The following CACNA1S variants were observed in gnomAD, a reference collection of about 807,000 sequenced individuals.
CACNA1S encodes the protein calcium voltage-gated channel subunit alpha1 S.
Under a neutral mutation model 207.4 loss-of-function variants are expected in CACNA1S, and 126 were observed. The observed-to-expected ratio is 0.61, with a 90% CI of 0.53 to 0.70. CACNA1S has a LOEUF of 0.70. Ranked by LOEUF, CACNA1S falls within the 30% of genes least tolerant of loss-of-function variation. CACNA1S has a pLI of 0.00. For missense variants in CACNA1S, 2,349 were observed against 2,422.8 expected (o/e 0.97, Z 0.64); for synonymous variants, 960 against 932.7 (o/e 1.03, Z -0.53).
intron 23 of CACNA1S, 90 bp downstream of exon 23, chr1:201,062,372 G>A (rs1239510193): frequency 7.5e-6 from 10 of 1,327,526 alleles, no homozygotes; most frequent in South Asian, 2.3e-5. Flanking sequence ...CCCCGTGACC[G>A]TAACCCTCCC....
intron 14 of CACNA1S, among the ~76,000 whole-genome samples, chr1:201,074,300 C>G (rs1176970306): frequency 6.6e-6 from 1 of 152,226 alleles, no homozygotes; most frequent in African/African-American, 2.4e-5. Context: ...GCCTGTCTGT[C>G]CAGAAGGCCA....
chr1:201,101,990 C>T (rs551116734), intron 2 of CACNA1S, among the ~76,000 whole-genome samples: 2 of 152,308 alleles, frequency 1.3e-5, no homozygotes, highest in African/African-American at 2.4e-5. Flanking sequence ...GGGGCTTTCT[C>T]TTTCAAGGAT....
Position 201,095,157 on chromosome 1 carries a change from C to CAT in CACNA1S, c.259-1138_259-1137dup, listed in dbSNP as rs753744197. Among the ~76,000 whole-genome samples the CAT allele has an allele frequency of 3.8e-3, 524 of 137,858 alleles. 5 individuals carry two copies. Among genetic ancestry groups the CAT allele is most frequent in the African/African-American group, 9.2e-3 (350 of 37,912 alleles). 90.4% of individuals were successfully genotyped at this position (137,858 alleles called of 152,430 possible). Reference sequence around the variant, plus strand: ...GTGTGTGTGTGTATACATATATATACATATATATATATACACACATACATA... The same window carrying CAT: ...GTGTGTGTGTGTATACATATATATACATATATATATATATACACACATACATA... On this transcript the variant is annotated intron_variant, in intron 2 of 43. Transcript: ENST00000362061.
At chr1:201,047,777 T>A in intron 36 of CACNA1S, 151 bp from the exon 37 acceptor site, 3 of 706,248 alleles carry the variant, frequency 4.2e-6, no homozygotes, top group East Asian at 2.7e-5. Flanking sequence ...GTACTGGCAA[T>A]GGTGGGAGGG....
Position 201,074,568 on chromosome 1 carries a change from C to T in CACNA1S, c.2001G>A (p.Ala667=), listed in dbSNP as rs61734612. The change falls in exon 14 of 44, where the codon GCG becomes GCA. Residue 667 remains alanine, a synonymous_variant. Transcript: ENST00000362061. ...LAIAVDNLAE[A]ESLTSAQKAK... ...CCTTCTGGGCAGAAGTCAGGCTCTC[C>T]GCCTCGGCCAGGTTGTCCACGGCAA... 143 of 1,613,910 alleles carry T rather than the reference C, an allele frequency of 8.9e-5. No homozygotes were observed. The highest frequency in any genetic ancestry group is 1.6e-4 in the Middle Eastern group (1 of 6,084).
At chr1:201,065,180 C>T (rs982124718) in intron 22 of CACNA1S, among the ~76,000 whole-genome samples, 2 of 152,226 alleles carry the variant, frequency 1.3e-5, no homozygotes, top group African/African-American at 4.8e-5. Flanking sequence ...TGGATCTGGA[C>T]TTGCCACATA....
intron 34 of CACNA1S, 33 bp from the exon 35 acceptor site, chr1:201,049,132 TACCCTCCTCCGCTGCCAGA>T: frequency 2.7e-6 from 4 of 1,479,626 alleles, no homozygotes; most frequent in Non-Finnish European, 3.7e-6. Context: ...GTGTACCTGC[TACCCTCCTCCGCTGCCAGA>T]ACCTTTCTGC....
chr1:201,058,012 C>T (rs969560699), intron 28 of CACNA1S, among the ~76,000 whole-genome samples: 8 of 152,260 alleles, frequency 5.3e-5, no homozygotes, highest in African/African-American at 1.7e-4. Context: ...ACCTTCTTTG[C>T]ATTTCCTGCG....
rs536989430 is a variant in CACNA1S at position 201,061,066 on chromosome 1, G to A, written c.3255+201C>T. 1.8e-3 allele frequency among the ~76,000 whole-genome samples: 271 copies of A among 152,362 alleles called. 1 individual carries two copies. Among genetic ancestry groups the A allele is most frequent in the African/African-American group, 6.3e-3 (260 of 41,592 alleles). On this transcript the variant is annotated intron_variant, in intron 25 of 43. Coordinates refer to ENST00000362061, the MANE Select transcript of CACNA1S (RefSeq NM_000069.3). Reference sequence around the variant, plus strand: ...GCTTCCTTTCTCTGGGCATCATGAGGTTCCACAAGAAGACCCACTCTACCA... The same window carrying A: ...GCTTCCTTTCTCTGGGCATCATGAGATTCCACAAGAAGACCCACTCTACCA...
rs142356235 is a variant in CACNA1S at position 201,076,930 on chromosome 1, C to T, written c.1817G>A (p.Ser606Asn). The part of the protein sequence containing the change: ...NFDNFPQALI[S>N]VFQVLTGEDW... ...AGAGGGAGAGCCTACCTGGAAGACG[C>T]TGATGAGGGCTTGGGGAAAGTTGTC... is the stretch of plus-strand genomic sequence containing the variant. The change falls in exon 12 of 44, where the codon AGC becomes AAC. Residue 606 changes from serine to asparagine, a missense_variant. Physicochemically the swap from Ser to Asn is conservative, Grantham distance 46 (BLOSUM62 1). Transcript: ENST00000362061. The T allele has an allele frequency of 9.6e-3, 15,554 of 1,614,196 alleles. 98 individuals are homozygous for T. Among genetic ancestry groups the T allele is most frequent in the Non-Finnish European group, 0.011 (13,189 of 1,180,000 alleles).
rs553837824 is a variant in CACNA1S, at chr1:201,091,408, C to T, written c.694+232G>A. 5.9e-5 allele frequency among the ~76,000 whole-genome samples: 9 copies of T among 151,480 alleles called. No homozygotes were observed. The East Asian group carries it at 1.4e-3, about 23-fold the overall frequency. On this transcript the variant is annotated intron_variant, in intron 5 of 43. Transcript: ENST00000362061. Reference sequence around the variant, plus strand: ...CATTGTATGTGGGGCAGGGGGGTGACGGTGTTTCAGAACCAGCCATGGCCC... The same window carrying T: ...CATTGTATGTGGGGCAGGGGGGTGATGGTGTTTCAGAACCAGCCATGGCCC...
At chr1:201,040,408 A>C (rs1328621018) in intron 42 of CACNA1S, 34 bp from the exon 43 acceptor site, 1 of 1,609,688 alleles carries the variant, frequency 6.2e-7, no homozygotes, top group Non-Finnish European at 8.5e-7. Context: ...AGACCCCGAC[A>C]GGGGTGCTGG....
chr1:201,059,173 T>C lies in CACNA1S; in HGVS notation c.3525+16A>G, dbSNP rs1306076322. The C allele has an allele frequency of 6.5e-7, 1 of 1,549,986 alleles. No homozygotes were observed. Among genetic ancestry groups the C allele is most frequent in the Non-Finnish European group, 8.9e-7 (1 of 1,121,982 alleles). On this transcript the variant is annotated intron_variant, in intron 27 of 43. Coordinates refer to ENST00000362061, the MANE Select transcript of CACNA1S (RefSeq NM_000069.3). Reference sequence around the variant, plus strand: ...AGCCCCAGCTTCTCATCTGGCCCGGTGGCCCCCACACTCACCCTGGCCTTG... The same window carrying C: ...AGCCCCAGCTTCTCATCTGGCCCGGCGGCCCCCACACTCACCCTGGCCTTG...
Position 201,112,312 on chromosome 1 carries a change from C to T in CACNA1S, c.28G>A (p.Gly10Ser), listed in dbSNP as rs371905958. MEPSSPQDE[G>S]LRKKQPKKPV... ...TTCTTGGGCTGTTTCTTCCTCAGGC[C>T]TTCATCCTGGGGTGAGGATGGCTCC... Residue 10 changes from glycine (G) to serine (S), a missense_variant, in exon 1 of 44, where the codon GGC becomes AGC. Coordinates refer to ENST00000362061, the MANE Select transcript of CACNA1S (RefSeq NM_000069.3). The T allele has an allele frequency of 3.1e-6, 5 of 1,613,898 alleles. No homozygotes were observed. Among genetic ancestry groups the T allele is most frequent in the Non-Finnish European group, 3.4e-6 (4 of 1,179,920 alleles).
In CACNA1S at chr1:201,061,291, C is replaced by A. The variant is rs763299733; in HGVS notation, c.3231G>T (p.Lys1077Asn). 1 of 1,614,176 alleles carries A rather than the reference C, an allele frequency of 6.2e-7. No homozygotes were observed. Among genetic ancestry groups the A allele is most frequent in the South Asian group, 1.1e-5 (1 of 91,076 alleles). Residue 1077 changes from lysine (K) to asparagine (N), a missense_variant, in exon 25 of 44, where the codon AAG becomes AAT. By Grantham distance (94) the Lys-to-Asn change is moderately conservative. Transcript: ENST00000362061. ...CCTGGTTCTTGTCCAGCTCACAGTTCTTGTACTCAGTCTCTCCCTGCTCCT... is the reference window on the plus strand; with the variant it reads ...CCTGGTTCTTGTCCAGCTCACAGTTATTGTACTCAGTCTCTCCCTGCTCCT... Reference protein sequence around the residue: ...TFQEQGETEYKNCELDKNQRQ... With the variant: ...TFQEQGETEYNNCELDKNQRQ...
intron 19 of CACNA1S, among the ~76,000 whole-genome samples, chr1:201,067,461 T>TCC (rs1661289107): frequency 6.6e-6 from 1 of 152,180 alleles, no homozygotes; most frequent in African/African-American, 2.4e-5. Flanking sequence ...GCCTTCTTGC[T>TCC]CCCCTCTCAG....
chr1:201,090,929 A>G (rs1662205075), intron 5 of CACNA1S, among the ~76,000 whole-genome samples: 1 of 152,202 alleles, frequency 6.6e-6, no homozygotes, highest in South Asian at 2.1e-4. Flanking sequence ...TTTTATTAGA[A>G]ATATACTATT....
chr1:201,087,678 ACTCCTTCCTC>A, intron 7 of CACNA1S, 138 bp downstream of exon 7: 1 of 656,910 alleles, frequency 1.5e-6, no homozygotes, highest in Non-Finnish European at 2.7e-6. Flanking sequence ...GCCCTGCTCC[ACTCCTTCCTC>A]CTCCTCCCTT....
intron 2 of CACNA1S, 61 bp downstream of exon 2, chr1:201,110,103 G>A: frequency 1.4e-6 from 2 of 1,451,240 alleles, no homozygotes; most frequent in Non-Finnish European, 9.7e-7. Context: ...TCCACCAAGG[G>A]GGCCTCCCCA....
Sources: allele counts gnomAD v4.1 joint callset (sites outside exome capture counted in the v4.1 genomes callset), GRCh38; gene constraint gnomAD v4.1.1; transcripts MANE v1.5; gene names NCBI Gene and HGNC (gene_info 2026-07-23, HGNC 2026-07-21).